The following CACNA2D3 variants were observed in gnomAD, a reference collection of about 807,000 sequenced individuals.
The protein encoded by CACNA2D3 is calcium voltage-gated channel auxiliary subunit alpha2delta 3, also known as voltage-dependent calcium channel subunit alpha-2/delta-3.
CACNA2D3 carries 60 observed loss-of-function variants against 160.6 expected under a neutral mutation model. The observed-to-expected ratio is 0.37, with a 90% CI of 0.30 to 0.46. CACNA2D3 has a LOEUF of 0.46. Ranked by LOEUF, CACNA2D3 falls within the 20% of genes least tolerant of loss-of-function variation. The pLI, the probability that CACNA2D3 is intolerant of heterozygous loss-of-function variation, is 1.00. For synonymous variants in CACNA2D3, 558 were observed against 492.9 expected (o/e 1.13, Z -1.75); for missense variants, 1,205 against 1,365.0 (o/e 0.88, Z 1.85).
At chr3:54,918,335 T>TTTTTC in intron 27 of CACNA2D3, 2 of 125,068 alleles carry the variant, frequency 1.6e-5, no homozygotes, top group South Asian at 4.0e-4. Context: ...TTTTTTTCTT[T>TTTTTC]TTTTTTTTTT....
At chr3:54,860,198 AG>A (rs1575515805) in intron 17 of CACNA2D3, among the ~76,000 whole-genome samples, 1 of 152,182 alleles carries the variant, frequency 6.6e-6, no homozygotes, top group East Asian at 1.9e-4. Context: ...AGAGGAGAGA[AG>A]TCAGACCAAG....
intron 8 of CACNA2D3, among the ~76,000 whole-genome samples, chr3:54,573,603 T>A (rs1702534154): frequency 6.6e-6 from 1 of 152,212 alleles, no homozygotes; most frequent in Admixed American, 6.5e-5. Flanking sequence ...GTGCACTGAA[T>A]GGAATGCATA....
At chr3:54,809,639 TTTCTTTCA>T (rs1287438948) in intron 13 of CACNA2D3, among the ~76,000 whole-genome samples, 2 of 151,710 alleles carry the variant, frequency 1.3e-5, no homozygotes, top group Non-Finnish European at 2.9e-5. Context: ...TCTTTCTTTC[TTTCTTTCA>T]TTCTTTCTTC....
intron 5 of CACNA2D3, among the ~76,000 whole-genome samples, chr3:54,534,966 T>C (rs1701865001): frequency 6.6e-6 from 1 of 152,194 alleles, no homozygotes; most frequent in African/African-American, 2.4e-5. Flanking sequence ...GATTCCTATC[T>C]TCTCCGTCAT....
intron 4 of CACNA2D3, among the ~76,000 whole-genome samples, chr3:54,457,502 G>A (rs189956882): frequency 1.4e-4 from 22 of 152,084 alleles, no homozygotes; most frequent in African/African-American, 4.6e-4. Context: ...AGAATGTCAC[G>A]TGTGCTGATG....
intron 4 of CACNA2D3, among the ~76,000 whole-genome samples, chr3:54,487,437 C>T (rs1701032611): frequency 6.6e-6 from 1 of 152,152 alleles, no homozygotes; most frequent in South Asian, 2.1e-4. Context: ...ACAAGCATGG[C>T]ACATCTTACT....
chr3:54,244,065 GC>G lies in CACNA2D3; in HGVS notation c.205-76371del, dbSNP rs533616340. ...ACCTTCTCCCTCAGAGCCTAGTAATGCCCCCCAGTCCTTCTCAACATAGAGC... is the reference window on the plus strand; with the variant it reads ...ACCTTCTCCCTCAGAGCCTAGTAATGCCCCCAGTCCTTCTCAACATAGAGC... On this transcript the variant is annotated intron_variant, in intron 2 of 37. Coordinates refer to ENST00000474759, the MANE Select transcript of CACNA2D3 (RefSeq NM_018398.3). 2.1e-4 allele frequency among the ~76,000 whole-genome samples: 32 copies of G among 152,272 alleles called. No homozygotes were observed. The East Asian group carries it at 5.4e-3, about 26-fold the overall frequency.
chr3:54,280,903 A>G (rs961955148), intron 2 of CACNA2D3, among the ~76,000 whole-genome samples: 1 of 151,608 alleles, frequency 6.6e-6, no homozygotes, highest in Non-Finnish European at 1.5e-5. Flanking sequence ...CTGCCCACAC[A>G]CTCCATACTT....
At chr3:54,647,196 C>G (rs1265996082) in intron 11 of CACNA2D3, among the ~76,000 whole-genome samples, 1 of 152,136 alleles carries the variant, frequency 6.6e-6, no homozygotes, top group African/African-American at 2.4e-5. Context: ...TGTTTGTGCC[C>G]CAACTCCTGA....
chr3:54,571,568 G>T (rs6776566), intron 8 of CACNA2D3, among the ~76,000 whole-genome samples: 1 of 151,212 alleles, frequency 6.6e-6, no homozygotes, highest in African/African-American at 2.4e-5. Flanking sequence ...CCAAAGGCTC[G>T]TCAGAGTGAG....
At chr3:54,490,681 A>C (rs1701095241) in intron 4 of CACNA2D3, among the ~76,000 whole-genome samples, 1 of 152,242 alleles carries the variant, frequency 6.6e-6, no homozygotes, top group Non-Finnish European at 1.5e-5. Flanking sequence ...CAGATGCTCC[A>C]GGAATCCAGG....
chr3:54,762,784 C>T (rs1702102732), intron 12 of CACNA2D3, among the ~76,000 whole-genome samples: 1 of 152,162 alleles, frequency 6.6e-6, no homozygotes, highest in Non-Finnish European at 1.5e-5. Context: ...GAGAATGTTT[C>T]TGTTGCTTAG....
At chr3:54,772,631 T>C (rs1702340987) in intron 13 of CACNA2D3, among the ~76,000 whole-genome samples, 1 of 152,164 alleles carries the variant, frequency 6.6e-6, no homozygotes, top group Non-Finnish European at 1.5e-5. Flanking sequence ...AATGACTTAA[T>C]GTTAACAACA....
chr3:54,715,533 A>G (rs1017839390), intron 11 of CACNA2D3, among the ~76,000 whole-genome samples: 6 of 151,876 alleles, frequency 4.0e-5, no homozygotes, highest in African/African-American at 1.5e-4. Context: ...GGAGGTAGAG[A>G]GGAGGCCTGA....
intron 27 of CACNA2D3, among the ~76,000 whole-genome samples, chr3:54,942,187 C>T (rs531960425): frequency 2.0e-4 from 31 of 152,300 alleles, no homozygotes; most frequent in African/African-American, 6.3e-4. Context: ...GTGATACAAC[C>T]GTGTATCTCT....
At chr3:54,836,394 C>G (rs1698688851) in intron 14 of CACNA2D3, among the ~76,000 whole-genome samples, 1 of 151,884 alleles carries the variant, frequency 6.6e-6, no homozygotes, top group South Asian at 2.1e-4. Context: ...GCCACCACAC[C>G]TGGCTAATTT....
intron 2 of CACNA2D3, among the ~76,000 whole-genome samples, chr3:54,278,238 A>G (rs1235248868): frequency 6.6e-6 from 1 of 152,252 alleles, no homozygotes; most frequent in Non-Finnish European, 1.5e-5. Context: ...CATATGAAAA[A>G]AAGCTCATCA....
chr3:54,919,765 G>A (rs760310460), intron 27 of CACNA2D3, among the ~76,000 whole-genome samples: 12 of 152,202 alleles, frequency 7.9e-5, no homozygotes, highest in Non-Finnish European at 1.5e-4. Flanking sequence ...CCAACTTGAT[G>A]GTTTACAAAG....
At chr3:54,352,299 T>C (rs1341417918) in intron 3 of CACNA2D3, among the ~76,000 whole-genome samples, 1 of 152,164 alleles carries the variant, frequency 6.6e-6, no homozygotes, top group Non-Finnish European at 1.5e-5. Flanking sequence ...GTAGGATTTG[T>C]GCGAGGATAG....
Sources: gnomAD v4.1 joint callset for allele counts (sites outside exome capture counted in the v4.1 genomes callset) on GRCh38, gnomAD v4.1.1 for gene constraint, MANE v1.5 for transcripts, NCBI Gene and HGNC (gene_info 2026-07-23, HGNC 2026-07-21) for gene names.